PACRG: variants seen among roughly 807,000 people sequenced by gnomAD.
The protein encoded by PACRG is parkin coregulated gene protein.
A neutral mutation model predicts 29.7 loss-of-function variants in PACRG; 29 were observed. The ratio of observed to expected loss-of-function variants is 0.98; its 90% CI spans 0.73 to 1.33. The LOEUF (loss-of-function observed/expected upper bound fraction) is 1.33. PACRG is among the 40% of genes most tolerant of loss of function. The pLI is 0.00. For synonymous variants in PACRG, 116 were observed against 118.7 expected (o/e 0.98, Z 0.15); for missense variants, 279 against 316.2 (o/e 0.88, Z 0.89).
At chr6:162,982,124 G>T (rs1205523788) in intron 2 of PACRG, among the ~76,000 whole-genome samples, 1 of 151,498 alleles carries the variant, frequency 6.6e-6, no homozygotes, top group Non-Finnish European at 1.5e-5. Context: ...GTATTTCTCT[G>T]GTATCGGTTA....
intron 2 of PACRG, among the ~76,000 whole-genome samples, chr6:162,854,988 C>T (rs1028327588): frequency 6.6e-6 from 1 of 152,252 alleles, no homozygotes; most frequent in African/African-American, 2.4e-5. Flanking sequence ...ATCGCTTCTA[C>T]GCTGTGCCCT....
intron 3 of PACRG, among the ~76,000 whole-genome samples, chr6:163,083,015 G>T (rs1159154303): frequency 6.6e-6 from 1 of 152,146 alleles, no homozygotes; most frequent in African/African-American, 2.4e-5. Context: ...AGAAAGGTTG[G>T]AATAGTTTAT....
intron 2 of PACRG, among the ~76,000 whole-genome samples, chr6:162,981,882 G>A (rs1319504716): frequency 5.4e-5 from 8 of 149,258 alleles, no homozygotes; most frequent in African/African-American, 2.0e-4. Flanking sequence ...TTGAATGTCA[G>A]CTGTGAATCC....
intron 4 of PACRG, chr6:163,310,561 C>T (rs944327710): frequency 3.3e-5 from 5 of 152,200 alleles, no homozygotes; most frequent in East Asian, 1.9e-4. Context: ...GGAGGAGCAA[C>T]GCGTCAGCAC....
At chr6:162,953,388 G>A (rs183028364) in intron 2 of PACRG, among the ~76,000 whole-genome samples, 2 of 152,140 alleles carry the variant, frequency 1.3e-5, no homozygotes, top group African/African-American at 4.8e-5. Flanking sequence ...TTCTTTTAAT[G>A]TATGTAGATC....
At chr6:163,148,321 T>A (rs948150580) in intron 4 of PACRG, among the ~76,000 whole-genome samples, 13 of 152,226 alleles carry the variant, frequency 8.5e-5, no homozygotes, top group East Asian at 1.9e-4. Context: ...AGAATATTTT[T>A]ACATTTTTTT....
intron 4 of PACRG, among the ~76,000 whole-genome samples, chr6:163,175,720 G>T (rs1251842267): frequency 6.7e-6 from 1 of 148,536 alleles, no homozygotes; most frequent in East Asian, 2.0e-4. Flanking sequence ...TGTGAGTCCA[G>T]GGAGATCTGA....
chr6:163,068,401 G>C (rs1811740898), intron 3 of PACRG, among the ~76,000 whole-genome samples: 1 of 151,620 alleles, frequency 6.6e-6, no homozygotes, highest in South Asian at 2.1e-4. Flanking sequence ...ATTTGCCTGT[G>C]ACCTATTGGC....
chr6:163,088,774 G>A (rs745934262), intron 3 of PACRG, among the ~76,000 whole-genome samples: 7 of 151,712 alleles, frequency 4.6e-5, no homozygotes, highest in Non-Finnish European at 7.4e-5. Flanking sequence ...GAATATTCTC[G>A]GTGTTTGTAA....
intron 3 of PACRG, among the ~76,000 whole-genome samples, chr6:163,087,351 G>A (rs966480764): frequency 6.6e-6 from 1 of 150,478 alleles, no homozygotes; most frequent in African/African-American, 2.4e-5. Flanking sequence ...ATGGAAACAG[G>A]GACCAGAAGA....
chr6:162,734,502 A>G (rs1185450824), intron 1 of PACRG, among the ~76,000 whole-genome samples: 3 of 115,198 alleles, frequency 2.6e-5, no homozygotes, highest in Non-Finnish European at 5.0e-5. Flanking sequence ...CAATTTAAAT[A>G]ATATATCAGT....
At chr6:163,060,588 TG>T (rs892493253) in intron 2 of PACRG, among the ~76,000 whole-genome samples, 1 of 152,218 alleles carries the variant, frequency 6.6e-6, no homozygotes, top group African/African-American at 2.4e-5. Flanking sequence ...ACAGAGGATC[TG>T]GACATTGCCT....
Position 162,861,086 on chromosome 6 carries a change from C to T in PACRG, c.291+46805C>T, listed in dbSNP as rs75970887. Among the ~76,000 whole-genome samples the T allele has an allele frequency of 2.5e-3, 381 of 152,230 alleles. 2 individuals carry two copies. The highest frequency in any genetic ancestry group is 8.9e-3 in the African/African-American group (368 of 41,524). On this transcript the variant is annotated intron_variant, in intron 2 of 4. Transcript: ENST00000366888. ...CAAACTGCTTCTCATGAAGGCTGTGCGCTTCTTGTTTGCAAGAAGAATATT... is the reference window on the plus strand; with the variant it reads ...CAAACTGCTTCTCATGAAGGCTGTGTGCTTCTTGTTTGCAAGAAGAATATT...
chr6:163,048,206 T>C (rs1809606586), intron 2 of PACRG, among the ~76,000 whole-genome samples: 1 of 152,056 alleles, frequency 6.6e-6, no homozygotes, highest in Non-Finnish European at 1.5e-5. Flanking sequence ...AGCTAGAACC[T>C]CCAGCGTAGG....
intron 4 of PACRG, among the ~76,000 whole-genome samples, chr6:163,138,455 G>C (rs952148241): frequency 6.6e-6 from 1 of 152,168 alleles, no homozygotes; most frequent in Non-Finnish European, 1.5e-5. Flanking sequence ...GTTTCATGGA[G>C]GACAATTTTT....
intron 2 of PACRG, among the ~76,000 whole-genome samples, chr6:163,007,141 A>G (rs942687297): frequency 1.3e-5 from 2 of 152,154 alleles, no homozygotes; most frequent in African/African-American, 2.4e-5. Flanking sequence ...TTACCACACT[A>G]GAATGTCAAA....
intron 4 of PACRG, among the ~76,000 whole-genome samples, chr6:163,096,178 T>C (rs1814567093): frequency 6.6e-6 from 1 of 152,210 alleles, no homozygotes; most frequent in African/African-American, 2.4e-5. Context: ...TCGGTAATGC[T>C]GCAAACTAAC....
chr6:162,987,254 T>C (rs73609719), intron 2 of PACRG, among the ~76,000 whole-genome samples: 9,056 of 152,206 alleles, frequency 0.059, 669 homozygotes, highest in African/African-American at 0.17. Flanking sequence ...GTTGAGGCTT[T>C]CTGAGAGCCA....
At chr6:163,112,192 C>A in intron 4 of PACRG, 1 of 241,386 alleles carries the variant, frequency 4.1e-6, no homozygotes, top group Non-Finnish European at 6.7e-6. Flanking sequence ...TTTTTGAAGT[C>A]TGGCATCTAT....
Sources: allele counts gnomAD v4.1 joint callset (sites outside exome capture counted in the v4.1 genomes callset), GRCh38; gene constraint gnomAD v4.1.1; transcripts MANE v1.5; gene names NCBI Gene and HGNC (gene_info 2026-07-23, HGNC 2026-07-21).